SREK1: variants seen among roughly 807,000 people sequenced by gnomAD.
The protein encoded by SREK1 is splicing regulatory glutamine/lysine-rich protein 1.
SREK1 carries 13 observed loss-of-function variants against 66.5 expected under a neutral mutation model. That is an observed-to-expected ratio of 0.20 (90% confidence interval 0.13 to 0.31). SREK1 has a LOEUF of 0.31. SREK1 is among the 10% of genes least tolerant of loss of function. SREK1 has a pLI of 1.00. For missense variants in SREK1, 607 were observed against 769.6 expected, an observed-to-expected ratio of 0.79 and a Z score of 2.50; for synonymous variants, 265 against 263.5, an observed-to-expected ratio of 1.01 and a Z score of -0.05.
In SREK1 at chr5:66,177,569, AGAG is replaced by A. The variant is rs758651258; in HGVS notation, c.1637_1639del (p.Arg546_Glu547delinsLys). The A allele has an allele frequency of 6.2e-7, 1 of 1,605,586 alleles. No homozygotes were observed. The highest frequency in any genetic ancestry group is 1.3e-5 in the African/African-American group (1 of 74,474). On this transcript the variant is annotated inframe_deletion, in exon 11 of 12. Transcript: ENST00000334121. ...AGAAAGGGACCACATCAGTGAAAGA[AGAG>A]AGAGAGAACGTTCAACGTCTATGAG...
intron 2 of SREK1, chr5:66,157,155 A>G: frequency 2.1e-6 from 2 of 949,504 alleles, no homozygotes; most frequent in Non-Finnish European, 2.5e-6. Flanking sequence ...AAATGTGCTT[A>G]TAGTGGATTT....
In SREK1 at chr5:66,182,493, C is replaced by T. The variant is rs966353201; in HGVS notation, c.*3625C>T. ...AATAAAATTGACTTCCCTACTTAAT[C>T]TTGGGTTTGTGGGTGAGTTTGTTTT... On this transcript the variant is annotated 3_prime_UTR_variant, in exon 12 of 12. Coordinates refer to ENST00000334121, the MANE Select transcript of SREK1 (RefSeq NM_001077199.3). The T allele has an allele frequency of 1.3e-5, 2 of 152,032 alleles. No homozygotes were observed. The highest frequency in any genetic ancestry group is 2.4e-5 in the African/African-American group (1 of 41,394). 9.4% of individuals were successfully genotyped at this position (152,032 alleles called of 1,614,324 possible).
At chr5:66,160,421 C>T (rs2112013784) in intron 3 of SREK1, among the ~76,000 whole-genome samples, 1 of 152,110 alleles carries the variant, frequency 6.6e-6, no homozygotes, top group African/African-American at 2.4e-5. Context: ...ATGCTGAAGA[C>T]CTGCATTCTG....
At chr5:66,159,458 C>A in intron 3 of SREK1, 124 bp downstream of exon 3, 1 of 757,974 alleles carries the variant, frequency 1.3e-6, no homozygotes, top group Non-Finnish European at 1.9e-6. Context: ...AGAGAGGATT[C>A]GAAATCACTG....
intron 2 of SREK1, among the ~76,000 whole-genome samples, chr5:66,155,086 T>TTATTCCCATAGAATCTTTCATA (rs1744167769): frequency 6.6e-6 from 1 of 152,206 alleles, no homozygotes; most frequent in Non-Finnish European, 1.5e-5. Flanking sequence ...GAAACCTGCT[T>TTATTCCCATAGAATCTTTCATA]TATTCCCATA....
Position 66,180,273 on chromosome 5 carries a change from G to C in SREK1, c.*1405G>C, listed in dbSNP as rs914386483. 6.6e-6 allele frequency: 1 copy of C among 152,390 alleles called. No homozygotes were observed. Among genetic ancestry groups the C allele is most frequent in the African/African-American group, 2.4e-5 (1 of 41,364 alleles). The allele number at this position is 152,390 out of a possible 1,614,324, so 9.4% of individuals were successfully genotyped here. A position where few individuals can be genotyped will look rare whatever the true frequency, so the allele number is the denominator to read the frequency against. On this transcript the variant is annotated 3_prime_UTR_variant, in exon 12 of 12. Transcript: ENST00000334121. ...GTTTTTCCCCAGTACTATAACTTGT[G>C]GTTTCTGAACTCATTATTGTTGTAT...
intron 3 of SREK1, among the ~76,000 whole-genome samples, chr5:66,159,780 G>A (rs6875518): frequency 0.12 from 17,727 of 152,184 alleles, 1,296 homozygotes; most frequent in Admixed American, 0.22. Flanking sequence ...CATTAACTAT[G>A]CAGAATTAAA....
At chr5:66,149,978 C>T (rs529150122) in intron 1 of SREK1, among the ~76,000 whole-genome samples, 89 of 152,290 alleles carry the variant, frequency 5.8e-4, no homozygotes, top group Non-Finnish European at 1.1e-3. Flanking sequence ...ATTATCAGTT[C>T]AGTTTGTTTC....
Position 66,157,425 on chromosome 5 carries a change from G to C in SREK1, c.296-1794G>C, listed in dbSNP as rs770398806. 6.1e-6 allele frequency: 6 copies of C among 984,888 alleles called. 1 individual carries two copies. The highest frequency in any genetic ancestry group is 5.2e-4 in the Middle Eastern group (1 of 1,912). The allele number at this position is 984,888 out of a possible 1,614,324, so 61.0% of individuals were successfully genotyped here. On this transcript the variant is annotated intron_variant, in intron 2 of 11. Transcript: ENST00000334121. ...ATTAGAACTCTGAGTTTCCTTAGGT[G>C]CATACATTAAGGTAGTGACGATGGA...
rs1007701850 is a variant in SREK1 at position 66,177,582 on chromosome 5, G to A, written c.1649G>A (p.Arg550His). 4.4e-6 allele frequency: 7 copies of A among 1,608,988 alleles called. No homozygotes were observed. The highest frequency in any genetic ancestry group is 4.0e-5 in the African/African-American group (3 of 74,520). ...ATCAGTGAAAGAAGAGAGAGAGAAC[G>A]TTCAACGTCTATGAGAAAGAGTTCT... is the stretch of plus-strand genomic sequence containing the variant. ...DHISERRERE[R>H]STSMRKSSND... The change falls in exon 11 of 12, where the codon CGT (arginine) becomes CAT (histidine). Residue 550 changes from arginine (R) to histidine (H), a missense_variant. By Grantham distance (29) the Arg-to-His change is conservative. Transcript: ENST00000334121.
chr5:66,173,449 T>G (rs1580673768), intron 9 of SREK1, among the ~76,000 whole-genome samples: 1 of 152,208 alleles, frequency 6.6e-6, no homozygotes, highest in East Asian at 1.9e-4. Context: ...AAACTTGAAT[T>G]ATTAATTGTC....
At chr5:66,156,579 T>G in intron 2 of SREK1, 1 of 984,656 alleles carries the variant, frequency 1.0e-6, no homozygotes. Flanking sequence ...ATTTTTCTAG[T>G]TTTTTTCCCC....
In SREK1 at chr5:66,178,907, A is replaced by G. The variant is rs745760835; in HGVS notation, c.*39A>G. 6 of 1,519,640 alleles carry G rather than the reference A, an allele frequency of 3.9e-6. No homozygotes were observed. In the African/African-American group the frequency reaches 4.2e-5, roughly 11 times the overall value. The allele number at this position is 1,519,640 out of a possible 1,614,324, so 94.1% of individuals were successfully genotyped here. A position where few individuals can be genotyped will look rare whatever the true frequency, so the allele number is the denominator to read the frequency against. ...ACCTCTGCACTCAATGCTGGAATCA[A>G]ATCCAAAGCTTTTAATTCTCTCAAC... On this transcript the variant is annotated 3_prime_UTR_variant, in exon 12 of 12. Coordinates refer to ENST00000334121, the MANE Select transcript of SREK1 (RefSeq NM_001077199.3).
intron 2 of SREK1, chr5:66,157,029 T>C: frequency 2.0e-6 from 2 of 985,062 alleles, no homozygotes; most frequent in Non-Finnish European, 2.4e-6. Context: ...GGTAGAATTC[T>C]ATCTTGGAAA....
intron 1 of SREK1, among the ~76,000 whole-genome samples, chr5:66,150,386 G>A (rs1743686081): frequency 6.6e-6 from 1 of 152,196 alleles, no homozygotes; most frequent in South Asian, 2.1e-4. Context: ...GGGAGTTAGC[G>A]AGGACATCGT....
chr5:66,158,955 A>G (rs1307596758), intron 2 of SREK1: 1 of 1,329,856 alleles, frequency 7.5e-7, no homozygotes, highest in South Asian at 1.3e-5. Flanking sequence ...TCAAAGTGTT[A>G]AATAATTGTC....
intron 3 of SREK1, among the ~76,000 whole-genome samples, chr5:66,159,660 T>C (rs1744572800): frequency 6.6e-6 from 1 of 152,110 alleles, no homozygotes. Context: ...GAGGATTAAA[T>C]CCATTTAAAA....
intron 1 of SREK1, chr5:66,145,084 C>T: frequency 3.0e-6 from 3 of 985,708 alleles, no homozygotes; most frequent in Non-Finnish European, 3.6e-6. Context: ...TCTAACCGAG[C>T]GCATCCATGT....
intron 6 of SREK1, 102 bp downstream of exon 6, chr5:66,164,024 C>T (rs1744970840): frequency 1.4e-6 from 2 of 1,392,140 alleles, no homozygotes; most frequent in African/African-American, 2.9e-5. Flanking sequence ...CTTCATTTTA[C>T]AAACAAGAAG....
Sources: gnomAD v4.1 joint callset for allele counts (sites outside exome capture counted in the v4.1 genomes callset) on GRCh38, gnomAD v4.1.1 for gene constraint, MANE v1.5 for transcripts, NCBI Gene and HGNC (gene_info 2026-07-23, HGNC 2026-07-21) for gene names.